SAXO1: variants seen among roughly 807,000 people sequenced by gnomAD.
SAXO1 encodes 4930500O09Rik.
A neutral mutation model predicts 17.5 loss-of-function variants in SAXO1; 21 were observed. The observed-to-expected ratio is 1.20, with a 90% CI of 0.85 to 1.72. The LOEUF is 1.72. Ranked by LOEUF, SAXO1 falls within the 40% of genes most tolerant of loss-of-function variation. The probability of loss-of-function intolerance (pLI) is 0.00; values close to 1 mark genes in which losing one functional copy is unlikely to be tolerated. For synonymous variants in SAXO1, 274 were observed against 216.5 expected, an observed-to-expected ratio of 1.27 and a Z score of -2.33; for missense variants, 843 against 596.0, an observed-to-expected ratio of 1.41 and a Z score of -4.32.
At chr9:19,004,311 T>C (rs1257873893) in intron 1 of SAXO1, among the ~76,000 whole-genome samples, 1 of 152,246 alleles carries the variant, frequency 6.6e-6, no homozygotes, top group East Asian at 1.9e-4. Context: ...TCAACCATTG[T>C]GGAAGACAGT....
In SAXO1 at chr9:18,950,051, G is replaced by T. The variant is rs192272614; in HGVS notation, c.218+707C>A. ...CCAGTCACAGGTCACTAACTGAGTT[G>T]TCCATGGCAGATTCTGCAAGAGCCT... On this transcript the variant is annotated intron_variant, in intron 2 of 3. Transcript: ENST00000380534. 5.1e-4 allele frequency among the ~76,000 whole-genome samples: 77 copies of T among 152,182 alleles called. 1 individual carries two copies. Among genetic ancestry groups the T allele is most frequent in the African/African-American group, 1.8e-3 (73 of 41,506 alleles).
chr9:18,984,781 G>A (rs1040258278), intron 1 of SAXO1, among the ~76,000 whole-genome samples: 5 of 152,122 alleles, frequency 3.3e-5, no homozygotes, highest in African/African-American at 9.7e-5. Context: ...TCATTCATGC[G>A]TTCACTGGAG....
upstream of SAXO1, among the ~76,000 whole-genome samples, chr9:19,037,865 A>G (rs1035613669): frequency 6.6e-6 from 1 of 152,224 alleles, no homozygotes; most frequent in African/African-American, 2.4e-5. Flanking sequence ...TCATGCCCAT[A>G]TTACAAATCA....
intron 1 of SAXO1, among the ~76,000 whole-genome samples, chr9:18,974,700 G>C (rs6475297): frequency 0.8 from 120,990 of 152,122 alleles, 48,331 homozygotes; most frequent in Middle Eastern, 0.84. Flanking sequence ...TACATACTGA[G>C]ATATATATAT....
chr9:19,042,030 T>A (rs150056960), intron 1 of SAXO1, among the ~76,000 whole-genome samples: 2 of 152,116 alleles, frequency 1.3e-5, no homozygotes, highest in African/African-American at 4.8e-5. Context: ...GAGATAATAT[T>A]TGCAAACTAC....
chr9:18,999,988 T>C (rs1410043435), intron 1 of SAXO1, among the ~76,000 whole-genome samples: 1 of 143,860 alleles, frequency 7.0e-6, no homozygotes, highest in Admixed American at 6.9e-5. Flanking sequence ...ATCTGGGAAG[T>C]GAGGAGCACC....
chr9:18,964,854 T>C (rs1354023191), intron 1 of SAXO1, among the ~76,000 whole-genome samples: 1 of 152,230 alleles, frequency 6.6e-6, no homozygotes, highest in Non-Finnish European at 1.5e-5. Context: ...TGTTAGGGCA[T>C]TGATTTTAGA....
At chr9:18,981,758 A>C (rs541530878) in intron 1 of SAXO1, among the ~76,000 whole-genome samples, 1 of 152,258 alleles carries the variant, frequency 6.6e-6, no homozygotes, top group East Asian at 1.9e-4. Context: ...CCACCTCACA[A>C]GTGAATAAAA....
chr9:18,983,701 A>G (rs1041500992), intron 1 of SAXO1, among the ~76,000 whole-genome samples: 1 of 152,140 alleles, frequency 6.6e-6, no homozygotes, highest in African/African-American at 2.4e-5. Flanking sequence ...GACTTCCTCT[A>G]CTGAGGTCTC....
At chr9:19,026,347 T>A (rs1835470539) in intron 1 of SAXO1, among the ~76,000 whole-genome samples, 1 of 152,212 alleles carries the variant, frequency 6.6e-6, no homozygotes. Context: ...ATTTAATTGA[T>A]TGACCTAAAT....
intron 1 of SAXO1, among the ~76,000 whole-genome samples, chr9:19,044,154 T>C (rs796077268): frequency 9.2e-5 from 14 of 151,524 alleles, no homozygotes; most frequent in African/African-American, 3.1e-4. Context: ...AAAAAAACAA[T>C]TGGATTGTTT....
chr9:18,959,260 T>C (rs1221968580), intron 1 of SAXO1, among the ~76,000 whole-genome samples: 1 of 152,164 alleles, frequency 6.6e-6, no homozygotes, highest in African/African-American at 2.4e-5. Flanking sequence ...AATCAGATCA[T>C]CTTGCAAATA....
chr9:19,019,492 G>A (rs1835135965), intron 1 of SAXO1, among the ~76,000 whole-genome samples: 1 of 152,114 alleles, frequency 6.6e-6, no homozygotes, highest in South Asian at 2.1e-4. Flanking sequence ...ACTTTGGGAG[G>A]CCAAGGCAGT....
At chr9:19,013,380 T>C (rs774016848) in intron 1 of SAXO1, among the ~76,000 whole-genome samples, 11 of 152,028 alleles carry the variant, frequency 7.2e-5, no homozygotes, top group South Asian at 2.1e-4. Context: ...TTGTGGGAAA[T>C]AGGAGGGGAA....
At chr9:18,951,027 T>C in intron 1 of SAXO1, 90 bp from the exon 2 acceptor site, 2 of 1,268,602 alleles carry the variant, frequency 1.6e-6, no homozygotes, top group Non-Finnish European at 1.1e-6. Context: ...TGACTCAGAC[T>C]GTAAAATCAT....
intron 1 of SAXO1, among the ~76,000 whole-genome samples, chr9:19,008,099 C>G (rs1834562976): frequency 6.6e-6 from 1 of 151,984 alleles, no homozygotes; most frequent in Non-Finnish European, 1.5e-5. Flanking sequence ...TCCCAAGTAG[C>G]TGGGAGCTGG....
chr9:18,956,519 G>A (rs576241294), intron 1 of SAXO1, among the ~76,000 whole-genome samples: 1 of 152,268 alleles, frequency 6.6e-6, no homozygotes, highest in South Asian at 2.1e-4. Context: ...AGTGAAGAGG[G>A]TTCTCCTTCA....
intron 1 of SAXO1, among the ~76,000 whole-genome samples, chr9:18,956,319 T>C (rs1006120): frequency 0.83 from 125,889 of 152,068 alleles, 52,558 homozygotes; most frequent in African/African-American, 0.93. Flanking sequence ...CATGACCATT[T>C]CCCCTGCAAT....
intron 1 of SAXO1, among the ~76,000 whole-genome samples, chr9:18,956,368 T>A (rs1299260066): frequency 2.0e-5 from 3 of 152,138 alleles, no homozygotes; most frequent in African/African-American, 7.2e-5. Context: ...TAACGTGACT[T>A]TGGGCTTTTC....
Sources: allele counts gnomAD v4.1 joint callset (sites outside exome capture counted in the v4.1 genomes callset), GRCh38; gene constraint gnomAD v4.1.1; transcripts MANE v1.5; gene names NCBI Gene and HGNC (gene_info 2026-07-23, HGNC 2026-07-21).